Variants in AK5 observed in about 807,000 individuals in gnomAD.
The protein encoded by AK5 is adenylate kinase isoenzyme 5.
A neutral mutation model predicts 69.5 loss-of-function variants in AK5; 27 were observed. That is an observed-to-expected ratio of 0.39 (90% CI 0.29 to 0.54). The LOEUF is 0.54. AK5 is among the 20% of genes least tolerant of loss of function. AK5 has a pLI of 0.71. For missense variants in AK5, 531 were observed against 700.4 expected (o/e 0.76, Z 2.73); for synonymous variants, 260 against 244.4 (o/e 1.06, Z -0.60).
chr1:77,317,135 T>C (rs961862991), intron 5 of AK5, among the ~76,000 whole-genome samples: 2 of 152,196 alleles, frequency 1.3e-5, no homozygotes, highest in Non-Finnish European at 2.9e-5. Flanking sequence ...GTCTTCTCAA[T>C]CTGTATACCT....
intron 13 of AK5, among the ~76,000 whole-genome samples, chr1:77,536,459 AAAC>A (rs900250234): frequency 1.3e-5 from 2 of 152,218 alleles, no homozygotes; most frequent in African/African-American, 2.4e-5. Context: ...GTCTCAAAGA[AAAC>A]AACAACAAGA....
intron 10 of AK5, among the ~76,000 whole-genome samples, chr1:77,496,990 G>A (rs1656355048): frequency 6.6e-6 from 1 of 152,224 alleles, no homozygotes; most frequent in Non-Finnish European, 1.5e-5. Context: ...GGCCACCCCA[G>A]CCAGCAGCAG....
intron 12 of AK5, among the ~76,000 whole-genome samples, chr1:77,526,040 C>T (rs913504164): frequency 1.3e-5 from 2 of 152,038 alleles, no homozygotes; most frequent in African/African-American, 4.8e-5. Context: ...TGGGTAATAT[C>T]GACATCTTAG....
intron 1 of AK5, among the ~76,000 whole-genome samples, chr1:77,285,482 G>GA (rs1441212018): frequency 6.6e-6 from 1 of 152,160 alleles, no homozygotes; most frequent in Non-Finnish European, 1.5e-5. Flanking sequence ...GGAAATAATT[G>GA]AAAATAAAAT....
intron 8 of AK5, among the ~76,000 whole-genome samples, chr1:77,477,512 T>C (rs1252398873): frequency 6.6e-6 from 1 of 152,234 alleles, no homozygotes; most frequent in Non-Finnish European, 1.5e-5. Flanking sequence ...AAAATCCTCA[T>C]ATGCTAGCAT....
At chr1:77,337,259 T>C (rs1334555861) in intron 5 of AK5, among the ~76,000 whole-genome samples, 1 of 152,150 alleles carries the variant, frequency 6.6e-6, no homozygotes, top group East Asian at 1.9e-4. Flanking sequence ...TAATCCCACA[T>C]AGGTAGAAGG....
At chr1:77,306,498 T>TG (rs1156909424) in intron 5 of AK5, among the ~76,000 whole-genome samples, 6 of 106,428 alleles carry the variant, frequency 5.6e-5, no homozygotes, top group Non-Finnish European at 1.2e-4. Flanking sequence ...TTTTTTGTTT[T>TG]TTTTTTTTTT....
intron 3 of AK5, among the ~76,000 whole-genome samples, chr1:77,294,480 A>G (rs1658875195): frequency 6.6e-6 from 1 of 152,096 alleles, no homozygotes; most frequent in Admixed American, 6.5e-5. Context: ...ATTTTTACTC[A>G]CTATTAACTT....
chr1:77,287,573 G>A (rs971003352), intron 2 of AK5, among the ~76,000 whole-genome samples: 2 of 152,172 alleles, frequency 1.3e-5, no homozygotes, highest in African/African-American at 4.8e-5. Context: ...CTGCATAAAT[G>A]CATGTAAAGT....
intron 6 of AK5, among the ~76,000 whole-genome samples, chr1:77,395,848 C>T (rs1039261911): frequency 1.3e-5 from 2 of 152,154 alleles, no homozygotes; most frequent in African/African-American, 2.4e-5. Context: ...TATTTCTTCT[C>T]GGATAATCCC....
intron 13 of AK5, among the ~76,000 whole-genome samples, chr1:77,545,571 G>A (rs1036445205): frequency 3.9e-5 from 6 of 152,176 alleles, no homozygotes; most frequent in Admixed American, 6.5e-5. Context: ...TAGTAGGAGC[G>A]ACTGCTGAGC....
rs1262552614 is a variant in AK5 at position 77,297,541 on chromosome 1, G to A, written c.416-18G>A. 6.4e-7 allele frequency: 1 copy of A among 1,574,690 alleles called. No individual in the cohort carries two copies. Among genetic ancestry groups the A allele is most frequent in the South Asian group, 1.2e-5 (1 of 83,164 alleles). Reference sequence around the variant, plus strand: ...TATTGTATCAGAAGATCACAGTTTTGCCTGTTTTAAATACTAGGTGGTCCA... The same window carrying A: ...TATTGTATCAGAAGATCACAGTTTTACCTGTTTTAAATACTAGGTGGTCCA... On this transcript the variant is annotated intron_variant, in intron 3 of 13. Transcript: ENST00000354567.
chr1:77,392,282 TG>T (rs1648538184), intron 6 of AK5, among the ~76,000 whole-genome samples: 1 of 152,216 alleles, frequency 6.6e-6, no homozygotes, highest in Non-Finnish European at 1.5e-5. Flanking sequence ...CCAAATCTCA[TG>T]AATGGAATGT....
intron 8 of AK5, among the ~76,000 whole-genome samples, chr1:77,476,491 T>C (rs1035164860): frequency 6.6e-5 from 10 of 152,304 alleles, no homozygotes; most frequent in Admixed American, 1.3e-4. Flanking sequence ...TTTCAGATCA[T>C]TGGTTTAGCA....
rs183708633 is a variant in AK5, at chr1:77,511,984, G to A, written c.1148-6580G>A. On this transcript the variant is annotated intron_variant, in intron 10 of 13. Transcript: ENST00000354567. ...GAGTGGGAGAATAGATCCAAATAAC[G>A]AACGCTCAGTTTCAGCTAGAGCTGC... Among the ~76,000 whole-genome samples, 179 of 152,256 alleles carry A rather than the reference G, an allele frequency of 1.2e-3. 1 individual carries two copies. Among genetic ancestry groups the A allele is most frequent in the Non-Finnish European group, 2.1e-3 (143 of 68,014 alleles).
chr1:77,412,379 C>G (rs758800730), intron 7 of AK5, among the ~76,000 whole-genome samples: 28 of 152,196 alleles, frequency 1.8e-4, no homozygotes, highest in Non-Finnish European at 3.2e-4. Flanking sequence ...ACTTTCTCCT[C>G]TCTGTACCTC....
chr1:77,313,950 T>A, intron 5 of AK5: 2 of 492,300 alleles, frequency 4.1e-6, no homozygotes, highest in Admixed American at 4.5e-5. Flanking sequence ...ATATCTTCCT[T>A]GAGGCAATGA....
Position 77,521,934 on chromosome 1 carries a change from C to A in AK5, c.1419C>A (p.Phe473Leu). 1.2e-6 allele frequency: 2 copies of A among 1,608,956 alleles called. No individual in the cohort carries two copies. The highest frequency in any genetic ancestry group is 1.1e-5 in the South Asian group (1 of 90,226). Reference sequence around the variant, plus strand: ...GGGAGGTGAAGCAAGGGGAAGAGTTCGGACGCAGGGTGAGTGGTTGTTACG... The same window carrying A: ...GGGAGGTGAAGCAAGGGGAAGAGTTAGGACGCAGGGTGAGTGGTTGTTACG... Reference protein sequence around the residue: ...YPREVKQGEEFGRRIGDPQLV... With the variant: ...YPREVKQGEELGRRIGDPQLV... The change falls in exon 12 of 14, where the codon TTC becomes TTA. Residue 473 changes from phenylalanine (F) to leucine (L), a missense_variant. Coordinates refer to ENST00000354567, the MANE Select transcript of AK5 (RefSeq NM_174858.3).
chr1:77,442,023 A>G (rs754392516), intron 8 of AK5, among the ~76,000 whole-genome samples: 4 of 152,126 alleles, frequency 2.6e-5, no homozygotes, highest in Non-Finnish European at 5.9e-5. Flanking sequence ...TCCAAGAAAT[A>G]AAGGATACTC....
Sources: allele counts gnomAD v4.1 joint callset (sites outside exome capture counted in the v4.1 genomes callset), GRCh38; gene constraint gnomAD v4.1.1; transcripts MANE v1.5; gene names NCBI Gene and HGNC (gene_info 2026-07-23, HGNC 2026-07-21).